MMP16: variants seen among roughly 807,000 people sequenced by gnomAD.
MMP16 encodes the protein matrix metalloproteinase-16.
In MMP16, 12 loss-of-function variants were observed where a neutral mutation model predicts 67.8. The observed-to-expected ratio is 0.18, with a 90% CI of 0.11 to 0.29. The LOEUF is 0.29. MMP16 is among the 10% of genes least tolerant of loss of function. MMP16 has a pLI of 1.00. For missense variants in MMP16, 475 were observed against 765.7 expected, an observed-to-expected ratio of 0.62 and a Z score of 4.48; for synonymous variants, 249 against 255.9, an observed-to-expected ratio of 0.97 and a Z score of 0.26.
intron 6 of MMP16, among the ~76,000 whole-genome samples, chr8:88,081,957 G>A (rs1323959712): frequency 6.6e-6 from 1 of 151,820 alleles, no homozygotes; most frequent in African/African-American, 2.4e-5. Context: ...CAATAAATTT[G>A]AAAAATAAAT....
At chr8:88,290,975 ATTTGATG>A (rs2130018107) in intron 1 of MMP16, among the ~76,000 whole-genome samples, 1 of 152,278 alleles carries the variant, frequency 6.6e-6, no homozygotes, top group East Asian at 1.9e-4. Flanking sequence ...TTAATTTGAC[ATTTGATG>A]TCAAATAAAA....
At chr8:88,133,374 G>A (rs538735877) in intron 4 of MMP16, among the ~76,000 whole-genome samples, 1 of 151,808 alleles carries the variant, frequency 6.6e-6, no homozygotes. Context: ...CAGAAATACA[G>A]GGCCCTCTTT....
At chr8:88,145,770 C>G (rs1808280114) in intron 4 of MMP16, among the ~76,000 whole-genome samples, 1 of 151,972 alleles carries the variant, frequency 6.6e-6, no homozygotes, top group Admixed American at 6.5e-5. Context: ...CTCTTAATTA[C>G]CTTGTCTTCT....
intron 1 of MMP16, among the ~76,000 whole-genome samples, chr8:88,202,962 A>G (rs1809367082): frequency 6.6e-6 from 1 of 152,022 alleles, no homozygotes; most frequent in South Asian, 2.1e-4. Context: ...TGAGTCACAG[A>G]CTCAACTCGC....
chr8:88,113,512 A>G (rs1011163478), intron 6 of MMP16, among the ~76,000 whole-genome samples: 1 of 151,946 alleles, frequency 6.6e-6, no homozygotes, highest in African/African-American at 2.4e-5. Context: ...GAGACAGTCA[A>G]TAAGGAGCAA....
chr8:88,275,278 G>C (rs941596807), intron 1 of MMP16, among the ~76,000 whole-genome samples: 6 of 151,852 alleles, frequency 4.0e-5, no homozygotes, highest in African/African-American at 1.4e-4. Context: ...TATACAAAAT[G>C]AAACTAAGAA....
intron 1 of MMP16, among the ~76,000 whole-genome samples, chr8:88,293,328 G>A (rs905863249): frequency 4.6e-5 from 7 of 151,020 alleles, no homozygotes; most frequent in Admixed American, 4.6e-4. Flanking sequence ...ACTACTTAAT[G>A]CTTTTTTTTA....
chr8:88,160,544 A>G (rs1808601170), intron 4 of MMP16, among the ~76,000 whole-genome samples: 1 of 152,136 alleles, frequency 6.6e-6, no homozygotes, highest in Admixed American at 6.6e-5. Context: ...GCTCACCATC[A>G]CTGGCCATCA....
At chr8:88,135,295 T>C (rs1008719775) in intron 4 of MMP16, among the ~76,000 whole-genome samples, 5 of 151,844 alleles carry the variant, frequency 3.3e-5, no homozygotes, top group Non-Finnish European at 7.4e-5. Flanking sequence ...AGATATCCTT[T>C]CAATAGCCAT....
chr8:88,258,631 C>A (rs1810341420), intron 1 of MMP16, among the ~76,000 whole-genome samples: 1 of 152,186 alleles, frequency 6.6e-6, no homozygotes, highest in Admixed American at 6.5e-5. Flanking sequence ...GCCTGATGCA[C>A]TGTAAATGTT....
intron 4 of MMP16, among the ~76,000 whole-genome samples, chr8:88,161,507 G>A (rs1279398570): frequency 6.6e-6 from 1 of 151,910 alleles, no homozygotes; most frequent in Non-Finnish European, 1.5e-5. Flanking sequence ...ACCAGCTCCT[G>A]GATTCATTAA....
intron 3 of MMP16, among the ~76,000 whole-genome samples, chr8:88,185,034 TG>T (rs1156699223): frequency 7.9e-5 from 12 of 152,318 alleles, no homozygotes; most frequent in Admixed American, 7.8e-4. Context: ...ACCAACTTCA[TG>T]GGCTTGGCCT....
intron 6 of MMP16, among the ~76,000 whole-genome samples, chr8:88,094,297 T>C (rs1791609345): frequency 6.6e-6 from 1 of 151,754 alleles, no homozygotes; most frequent in South Asian, 2.1e-4. Flanking sequence ...TAAATATAAC[T>C]ACCAAAATTA....
intron 1 of MMP16, among the ~76,000 whole-genome samples, chr8:88,221,918 G>A (rs1023687659): frequency 6.6e-6 from 1 of 152,002 alleles, no homozygotes; most frequent in Non-Finnish European, 1.5e-5. Context: ...TTCATGAATT[G>A]TCTTCCATCA....
chr8:88,116,632 T>C lies in MMP16; in HGVS notation c.958A>G (p.Asn320Asp), dbSNP rs1809440240. ...RSIPPADPRK[N>D]DRPKPPRPPT... ...GGCCGAGGAGGTTTTGGCCTGTCAT[T>C]TTTCCTTGGGTCAGCCGGAGGAATA... The change falls in exon 6 of 10, where the codon AAT becomes GAT. Residue 320 changes from asparagine (N) to aspartate (D), a missense_variant. Asn to Asp is a conservative substitution (Grantham distance 23). Coordinates refer to ENST00000286614, the MANE Select transcript of MMP16 (RefSeq NM_005941.5). The C allele has an allele frequency of 6.2e-7, 1 of 1,613,736 alleles. No homozygotes were observed. Among genetic ancestry groups the C allele is most frequent in the African/African-American group, 1.3e-5 (1 of 74,894 alleles).
chr8:88,139,954 T>A (rs1333344362), intron 4 of MMP16, among the ~76,000 whole-genome samples: 1 of 152,208 alleles, frequency 6.6e-6, no homozygotes. Flanking sequence ...TAATGCTGTA[T>A]CACTGATCTC....
At chr8:88,045,994 T>C (rs1257780725) in intron 9 of MMP16, among the ~76,000 whole-genome samples, 1 of 152,222 alleles carries the variant, frequency 6.6e-6, no homozygotes, top group Non-Finnish European at 1.5e-5. Flanking sequence ...ATTATTATGA[T>C]TTATTCCTAT....
At chr8:88,138,139 T>C (rs1479491660) in intron 4 of MMP16, among the ~76,000 whole-genome samples, 2 of 151,998 alleles carry the variant, frequency 1.3e-5, no homozygotes, top group Non-Finnish European at 2.9e-5. Context: ...CTGGCAATCT[T>C]ACTGAATACC....
At chr8:88,120,194 A>G (rs1017440433) in intron 4 of MMP16, among the ~76,000 whole-genome samples, 2 of 151,958 alleles carry the variant, frequency 1.3e-5, no homozygotes, top group African/African-American at 4.8e-5. Flanking sequence ...AAAAAAAGAA[A>G]ACAGAAGGAA....
Sources: gnomAD v4.1 joint callset for allele counts (sites outside exome capture counted in the v4.1 genomes callset) on GRCh38, gnomAD v4.1.1 for gene constraint, MANE v1.5 for transcripts, NCBI Gene and HGNC (gene_info 2026-07-23, HGNC 2026-07-21) for gene names.